Variants in FAR2 observed in about 807,000 individuals in gnomAD.
FAR2 encodes the protein fatty acyl-CoA reductase 2.
In FAR2, 19 loss-of-function variants were observed where a neutral mutation model predicts 56.0. The observed-to-expected ratio is 0.34, with a 90% CI of 0.24 to 0.50. The LOEUF is 0.50. Ranked by LOEUF, FAR2 falls within the 20% of genes least tolerant of loss-of-function variation. The pLI is 0.98. For synonymous variants in FAR2, 219 were observed against 218.8 expected, an observed-to-expected ratio of 1.00 and a Z score of -0.01; for missense variants, 508 against 642.2, an observed-to-expected ratio of 0.79 and a Z score of 2.26.
intron 2 of FAR2, among the ~76,000 whole-genome samples, chr12:29,283,863 A>G (rs1948826791): frequency 1.3e-5 from 2 of 152,230 alleles, no homozygotes; most frequent in Admixed American, 6.5e-5. Context: ...AGTGCAATTG[A>G]TATTTTAGCT....
intron 2 of FAR2, among the ~76,000 whole-genome samples, chr12:29,286,792 A>G (rs1263684420): frequency 6.6e-6 from 1 of 152,220 alleles, no homozygotes; most frequent in Non-Finnish European, 1.5e-5. Context: ...GTCACAGAAT[A>G]CGATTTTAAG....
At chr12:29,255,741 C>T (rs1755233084) in intron 1 of FAR2, among the ~76,000 whole-genome samples, 1 of 152,172 alleles carries the variant, frequency 6.6e-6, no homozygotes, top group African/African-American at 2.4e-5. Flanking sequence ...TCTCCTGTCT[C>T]AGCCTCCCAA....
chr12:29,162,307 G>A (rs1418099455), intron 1 of FAR2, among the ~76,000 whole-genome samples: 1 of 152,166 alleles, frequency 6.6e-6, no homozygotes, highest in African/African-American at 2.4e-5. Flanking sequence ...ATATTCAATT[G>A]ACTCTACATT....
chr12:29,197,126 T>A (rs1029180235), intron 1 of FAR2, among the ~76,000 whole-genome samples: 59 of 152,286 alleles, frequency 3.9e-4, no homozygotes, highest in African/African-American at 1.4e-3. Flanking sequence ...ATGAATAGCA[T>A]AACGGTATTA....
At chr12:29,330,307 T>C (rs948064797) in intron 10 of FAR2, among the ~76,000 whole-genome samples, 14 of 152,308 alleles carry the variant, frequency 9.2e-5, no homozygotes, top group Admixed American at 8.5e-4. Context: ...TCTGCCCGCC[T>C]CGACCTCCCA....
chr12:29,214,247 T>G (rs1947592468), intron 1 of FAR2, among the ~76,000 whole-genome samples: 1 of 152,228 alleles, frequency 6.6e-6, no homozygotes, highest in Non-Finnish European at 1.5e-5. Flanking sequence ...GATTAAATGT[T>G]GATGCAATAT....
chr12:29,311,945 A>G lies in FAR2; in HGVS notation c.950A>G (p.Lys317Arg), dbSNP rs1591959158. Reference protein sequence around the residue: ...SGNMNPCNWHKMGVQVLATFE... With the variant: ...SGNMNPCNWHRMGVQVLATFE... Reference sequence around the variant, plus strand: ...AACATGAATCCCTGCAATTGGCACAAAATGGGTAAGTACTTTAGCTATGTA... The same window carrying G: ...AACATGAATCCCTGCAATTGGCACAGAATGGGTAAGTACTTTAGCTATGTA... Residue 317 changes from lysine to arginine, a missense_variant, in exon 8 of 12, where the codon AAA becomes AGA. Transcript: ENST00000536681. The G allele has an allele frequency of 6.2e-7, 1 of 1,608,868 alleles. No individual in the cohort carries two copies. The highest frequency in any genetic ancestry group is 1.1e-5 in the South Asian group (1 of 90,684).
intron 1 of FAR2, chr12:29,157,097 A>G (rs914855355): frequency 6.5e-5 from 8 of 123,692 alleles, no homozygotes; most frequent in African/African-American, 9.0e-5. Flanking sequence ...TATTAAAGCA[A>G]AGAACATTTT....
chr12:29,180,092 C>A (rs1464556811), intron 1 of FAR2, among the ~76,000 whole-genome samples: 1 of 151,994 alleles, frequency 6.6e-6, no homozygotes, highest in Non-Finnish European at 1.5e-5. Context: ...ATCAACCATC[C>A]CCAGGAGAGC....
At chr12:29,304,893 T>C (rs947310126) in intron 4 of FAR2, among the ~76,000 whole-genome samples, 2 of 152,192 alleles carry the variant, frequency 1.3e-5, no homozygotes, top group Non-Finnish European at 2.9e-5. Context: ...TTGGTTTATA[T>C]GTGTTTTTTA....
chr12:29,198,734 G>A (rs1244057002), intron 1 of FAR2, among the ~76,000 whole-genome samples: 2 of 152,022 alleles, frequency 1.3e-5, no homozygotes, highest in African/African-American at 2.4e-5. Flanking sequence ...TACCTAGAAA[G>A]GTAGGAAAAG....
chr12:29,203,269 A>G (rs1279384816), intron 1 of FAR2, among the ~76,000 whole-genome samples: 4 of 152,346 alleles, frequency 2.6e-5, no homozygotes, highest in Admixed American at 2.6e-4. Context: ...TCCTTAAGCC[A>G]CACACATGAA....
intron 1 of FAR2, among the ~76,000 whole-genome samples, chr12:29,212,515 A>G (rs1481310674): frequency 2.0e-5 from 3 of 152,056 alleles, no homozygotes; most frequent in African/African-American, 7.2e-5. Flanking sequence ...TTTTCCTATC[A>G]TTTGGCATAA....
chr12:29,284,695 G>T (rs1200898537), intron 2 of FAR2, among the ~76,000 whole-genome samples: 1 of 152,128 alleles, frequency 6.6e-6, no homozygotes, highest in Non-Finnish European at 1.5e-5. Context: ...AGAAGGCTTA[G>T]ATAAATTAAT....
At chr12:29,164,199 C>T (rs11050085) in intron 1 of FAR2, among the ~76,000 whole-genome samples, 26,962 of 152,116 alleles carry the variant, frequency 0.18, 2,512 homozygotes, top group Non-Finnish European at 0.21. Flanking sequence ...TTAGGAAGAA[C>T]AATCAGGAAT....
intron 1 of FAR2, among the ~76,000 whole-genome samples, chr12:29,223,177 C>T (rs1947717747): frequency 6.6e-6 from 1 of 152,252 alleles, no homozygotes. Flanking sequence ...AACTGAGACA[C>T]ATAGCAGTTT....
At position 29,330,477 on chromosome 12, in the gene FAR2, G is replaced by C. The variant is rs189949018; in HGVS notation, c.1258-2123G>C. ...GCTCATTATTAAATGTTTACTGAAT[G>C]CCTAGAATGTTAAATAGGGATAATA... On this transcript the variant is annotated intron_variant, in intron 10 of 11. Coordinates refer to ENST00000536681, the MANE Select transcript of FAR2 (RefSeq NM_001271783.2). Among the ~76,000 whole-genome samples the C allele has an allele frequency of 3.3e-5, 5 of 152,292 alleles. No homozygotes were observed. In the East Asian group the frequency reaches 9.6e-4, roughly 29 times the overall value.
At chr12:29,213,294 C>A (rs77016530) in intron 1 of FAR2, among the ~76,000 whole-genome samples, 13,854 of 152,014 alleles carry the variant, frequency 0.091, 746 homozygotes, top group Non-Finnish European at 0.13. Flanking sequence ...AAAACCTACA[C>A]AAATTCACTG....
chr12:29,328,899 T>TA (rs1018632806), intron 10 of FAR2, among the ~76,000 whole-genome samples: 1 of 149,696 alleles, frequency 6.7e-6, no homozygotes, highest in African/African-American at 2.5e-5. Flanking sequence ...TAATAATAAT[T>TA]AAAAAAAAGA....
Sources: gnomAD v4.1 joint callset for allele counts (sites outside exome capture counted in the v4.1 genomes callset) on GRCh38, gnomAD v4.1.1 for gene constraint, MANE v1.5 for transcripts, NCBI Gene and HGNC (gene_info 2026-07-23, HGNC 2026-07-21) for gene names.